The following ST3GAL3 variants were observed in gnomAD, a reference collection of about 807,000 sequenced individuals.
ST3GAL3 encodes CMP-N-acetylneuraminate-beta-1,4-galactoside alpha-2,3-sialyltransferase.
Under a neutral mutation model 50.1 loss-of-function variants are expected in ST3GAL3, and 21 were observed. That is an observed-to-expected ratio of 0.42 (90% CI 0.30 to 0.60). The LOEUF (loss-of-function observed/expected upper bound fraction) is 0.60. Among genes scored for constraint, ST3GAL3 ranks in the 20% least tolerant of loss-of-function variants. The pLI is 0.19. For synonymous variants in ST3GAL3, 183 were observed against 190.0 expected (o/e 0.96, Z 0.30); for missense variants, 353 against 489.4 (o/e 0.72, Z 2.63).
chr1:43,911,502 T>C (rs1205909071), intron 9 of ST3GAL3, among the ~76,000 whole-genome samples: 5 of 151,610 alleles, frequency 3.3e-5, no homozygotes, highest in African/African-American at 1.2e-4. Flanking sequence ...TATATAGATA[T>C]AGATACATCT....
At chr1:43,752,597 C>T (rs1179798753) in intron 2 of ST3GAL3, among the ~76,000 whole-genome samples, 1 of 152,198 alleles carries the variant, frequency 6.6e-6, no homozygotes, top group African/African-American at 2.4e-5. Flanking sequence ...ACCTCCTGGG[C>T]TCAAGTAAGC....
chr1:43,863,216 T>C (rs2070447357), intron 5 of ST3GAL3, among the ~76,000 whole-genome samples: 1 of 152,144 alleles, frequency 6.6e-6, no homozygotes, highest in Admixed American at 6.6e-5. Flanking sequence ...AGAGATTTGG[T>C]TGGGTACTCC....
intron 1 of ST3GAL3, among the ~76,000 whole-genome samples, chr1:43,714,882 C>G (rs911368235): frequency 6.6e-6 from 1 of 152,084 alleles, no homozygotes; most frequent in African/African-American, 2.4e-5. Flanking sequence ...TATGATCATC[C>G]TGGCTTGACA....
intron 5 of ST3GAL3, among the ~76,000 whole-genome samples, chr1:43,863,429 C>G (rs973386425): frequency 6.6e-6 from 1 of 152,150 alleles, no homozygotes; most frequent in Non-Finnish European, 1.5e-5. Flanking sequence ...TTTGCATGGA[C>G]CAGGGTTATA....
intron 5 of ST3GAL3, among the ~76,000 whole-genome samples, chr1:43,866,213 G>A (rs1260401856): frequency 6.6e-6 from 1 of 152,228 alleles, no homozygotes; most frequent in Admixed American, 6.5e-5. Flanking sequence ...GGACAGGGAG[G>A]ATCTGTAACA....
At chr1:43,710,502 C>T (rs750996786) in intron 1 of ST3GAL3, among the ~76,000 whole-genome samples, 10 of 152,198 alleles carry the variant, frequency 6.6e-5, no homozygotes, top group Non-Finnish European at 1.5e-4. Context: ...ATGTGTATTG[C>T]CATCACTTCC....
intron 3 of ST3GAL3, among the ~76,000 whole-genome samples, chr1:43,795,191 T>C (rs560834096): frequency 6.6e-6 from 1 of 152,364 alleles, no homozygotes; most frequent in South Asian, 2.1e-4. Flanking sequence ...CTTGGAGTTA[T>C]AAAAAGATCT....
intron 2 of ST3GAL3, among the ~76,000 whole-genome samples, chr1:43,782,998 A>G (rs1699852362): frequency 6.6e-6 from 1 of 152,340 alleles, no homozygotes; most frequent in East Asian, 1.9e-4. Flanking sequence ...TGGTTTGTGC[A>G]GTATGCTGCT....
At chr1:43,709,931 C>T (rs772802127) in intron 1 of ST3GAL3, among the ~76,000 whole-genome samples, 7 of 151,930 alleles carry the variant, frequency 4.6e-5, no homozygotes, top group African/African-American at 7.3e-5. Context: ...AGCCCATTGT[C>T]GCTTTTCTGA....
intron 1 of ST3GAL3, among the ~76,000 whole-genome samples, chr1:43,724,496 G>A (rs1672019539): frequency 6.6e-6 from 1 of 151,638 alleles, no homozygotes; most frequent in Non-Finnish European, 1.5e-5. Context: ...TGGGATTACA[G>A]GCTATTTTAT....
rs141947405 is a variant in ST3GAL3, at chr1:43,930,163, A to T, written c.1070A>T (p.Glu357Val). 239 of 1,614,070 alleles carry T rather than the reference A, an allele frequency of 1.5e-4. No homozygotes were observed. The highest frequency in any genetic ancestry group is 2.0e-4 in the Non-Finnish European group (233 of 1,180,046). Reference sequence around the variant, plus strand: ...ACGCACAATATCCAGCGAGAGAAAGAGTTTCTGCGGAAGCTGGTGAAAGCT... The same window carrying T: ...ACGCACAATATCCAGCGAGAGAAAGTGTTTCTGCGGAAGCTGGTGAAAGCT... ...SWTHNIQREK[E>V]FLRKLVKARV... Residue 357 changes from glutamate to valine, a missense_variant, in exon 12 of 12, where the codon GAG (glutamate) becomes GTG (valine). By Grantham distance (121) the Glu-to-Val change is moderately radical (BLOSUM62 -2). Transcript: ENST00000347631.
intron 5 of ST3GAL3, chr1:43,838,797 T>G (rs911088594): frequency 4.4e-6 from 1 of 226,784 alleles, no homozygotes; most frequent in Non-Finnish European, 8.9e-6. Context: ...CTGACTTCTT[T>G]GGCACCTGAA....
chr1:43,900,340 G>C (rs960344258), intron 9 of ST3GAL3, among the ~76,000 whole-genome samples: 2 of 152,202 alleles, frequency 1.3e-5, no homozygotes, highest in African/African-American at 4.8e-5. Context: ...CTGATCATTG[G>C]GAATGATCAG....
chr1:43,736,113 T>A lies in ST3GAL3; in HGVS notation c.-30-120T>A. On this transcript the variant is annotated intron_variant, in intron 1 of 11. Coordinates refer to ENST00000347631, the MANE Select transcript of ST3GAL3 (RefSeq NM_006279.5). ...GAGCAGGTTAGAAGATGCCATGATA[T>A]GAAAGTGATAACTCTAAGTTATTCT... 6.3e-6 allele frequency: 6 copies of A among 959,664 alleles called. No homozygotes were observed. In the South Asian group the frequency reaches 8.3e-5, roughly 13 times the overall value. The allele number at this position is 959,664 out of a possible 1,614,324, so 59.4% of individuals were successfully genotyped here. A position where few individuals can be genotyped will look rare whatever the true frequency, so the allele number is the denominator to read the frequency against.
At chr1:43,805,208 C>T (rs1260167054) in intron 3 of ST3GAL3, among the ~76,000 whole-genome samples, 2 of 152,168 alleles carry the variant, frequency 1.3e-5, no homozygotes, top group East Asian at 3.9e-4. Flanking sequence ...GAAGGGCAGC[C>T]CCAGGAATCT....
At chr1:43,793,060 G>A (rs923958973) in intron 3 of ST3GAL3, among the ~76,000 whole-genome samples, 5 of 152,106 alleles carry the variant, frequency 3.3e-5, no homozygotes, top group Non-Finnish European at 7.3e-5. Context: ...AGCCATGAGG[G>A]TCAGGCAGTT....
chr1:43,897,421 A>G (rs556264760), intron 6 of ST3GAL3, among the ~76,000 whole-genome samples: 55 of 152,218 alleles, frequency 3.6e-4, no homozygotes, highest in Non-Finnish European at 5.1e-4. Flanking sequence ...AATGATTTAT[A>G]TAAGGTCACA....
intron 5 of ST3GAL3, among the ~76,000 whole-genome samples, chr1:43,873,001 G>A (rs189945820): frequency 3.3e-3 from 507 of 152,344 alleles, no homozygotes; most frequent in Non-Finnish European, 5.9e-3. Context: ...CTGTGTTAAA[G>A]AAGTGGGAAA....
Position 43,817,567 on chromosome 1 carries a change from T to C in ST3GAL3, c.209+2634T>C, listed in dbSNP as rs966907244. Among the ~76,000 whole-genome samples the C allele has an allele frequency of 4.1e-4, 5 of 12,134 alleles. 1 individual carries two copies. Among genetic ancestry groups the C allele is most frequent in the Non-Finnish European group, 7.0e-4 (4 of 5,716 alleles). The allele number at this position is 12,134 out of a possible 152,430, so 8.0% of individuals were successfully genotyped here. On this transcript the variant is annotated intron_variant, in intron 4 of 11. Coordinates refer to ENST00000347631, the MANE Select transcript of ST3GAL3 (RefSeq NM_006279.5). ...CCTTCTTCTTCTTCTCCTTCTTCCT[T>C]CTTCTTCTCCTTCTCCTCCTTCTCC... is the stretch of plus-strand genomic sequence containing the variant.
Sources: gnomAD v4.1 joint callset for allele counts (sites outside exome capture counted in the v4.1 genomes callset) on GRCh38, gnomAD v4.1.1 for gene constraint, MANE v1.5 for transcripts, NCBI Gene and HGNC (gene_info 2026-07-23, HGNC 2026-07-21) for gene names.